The following PCLO variants were observed in gnomAD, a reference collection of about 807,000 sequenced individuals.
PCLO encodes the protein protein piccolo.
Under a neutral mutation model 427.5 loss-of-function variants are expected in PCLO, and 82 were observed. That is an observed-to-expected ratio of 0.19 (90% CI 0.16 to 0.23). PCLO has a LOEUF of 0.23. Ranked by LOEUF, PCLO falls within the 10% of genes least tolerant of loss-of-function variation. The pLI, the probability that PCLO is intolerant of heterozygous loss-of-function variation, is 1.00. For synonymous variants in PCLO, 2,357 were observed against 2,155.4 expected, an observed-to-expected ratio of 1.09 and a Z score of -2.59; for missense variants, 6,239 against 6,115.9, an observed-to-expected ratio of 1.02 and a Z score of -0.67.
chr7:83,134,242 T>TATATATATATATATATATATA lies in PCLO; in HGVS notation c.3300+7_3300+8insTATATATATATATATATATAT, dbSNP rs746054139. The stretch of plus-strand genomic sequence containing the variant: ...TAATATATATATATATATATATATA[T>TATATATATATATATATATATA]AACTTACCTCAGTCAAATGTGGTGT... On this transcript the variant is annotated splice_region_variant and intron_variant, in intron 3 of 24. Coordinates refer to ENST00000333891, the MANE Select transcript of PCLO (RefSeq NM_033026.6). 1.1e-5 allele frequency: 12 copies of TATATATATATATATATATATA among 1,069,108 alleles called. No individual in the cohort carries two copies. Among genetic ancestry groups the TATATATATATATATATATATA allele is most frequent in the East Asian group, 9.4e-5 (3 of 31,944 alleles). 66.2% of individuals were successfully genotyped at this position (1,069,108 alleles called of 1,614,324 possible). A position where few individuals can be genotyped will look rare whatever the true frequency, so the allele number is the denominator to read the frequency against.
At chr7:83,144,854 ATTTC>A (rs1791953754) in intron 2 of PCLO, among the ~76,000 whole-genome samples, 1 of 152,164 alleles carries the variant, frequency 6.6e-6, no homozygotes, top group Admixed American at 6.5e-5. Flanking sequence ...CTGCTACTTG[ATTTC>A]TTTAAGTTAC....
chr7:83,117,584 A>G (rs924993021), intron 3 of PCLO, among the ~76,000 whole-genome samples: 1 of 152,170 alleles, frequency 6.6e-6, no homozygotes, highest in African/African-American at 2.4e-5. Flanking sequence ...TACTGCTGCT[A>G]TCAAAGAGGT....
chr7:83,011,858 G>C (rs1163883424), intron 3 of PCLO, among the ~76,000 whole-genome samples: 1 of 151,936 alleles, frequency 6.6e-6, no homozygotes, highest in African/African-American at 2.4e-5. Flanking sequence ...TCTACCTTAG[G>C]AATTCATTCA....
intron 22 of PCLO, among the ~76,000 whole-genome samples, chr7:82,772,916 G>C (rs1289534113): frequency 6.6e-6 from 1 of 152,074 alleles, no homozygotes; most frequent in Non-Finnish European, 1.5e-5. Flanking sequence ...ATTGTAAATG[G>C]ACATTACATT....
chr7:82,769,670 G>A (rs780687521), intron 22 of PCLO, among the ~76,000 whole-genome samples: 17 of 152,062 alleles, frequency 1.1e-4, no homozygotes, highest in African/African-American at 1.7e-4. Context: ...AAAAGTCTGC[G>A]TAAGAAAAAA....
intron 3 of PCLO, among the ~76,000 whole-genome samples, chr7:83,043,290 A>T (rs142104129): frequency 6.6e-6 from 1 of 152,158 alleles, no homozygotes; most frequent in Admixed American, 6.5e-5. Flanking sequence ...AAAAAAGTGA[A>T]TTTGATTGTC....
chr7:82,918,863 A>T, intron 6 of PCLO, among the ~76,000 whole-genome samples: 1 of 152,070 alleles, frequency 6.6e-6, no homozygotes, highest in East Asian at 1.9e-4. Flanking sequence ...AATATGACCA[A>T]TATTTTATTC....
chr7:83,061,337 A>G (rs1409897950), intron 3 of PCLO, among the ~76,000 whole-genome samples: 1 of 152,176 alleles, frequency 6.6e-6, no homozygotes, highest in Non-Finnish European at 1.5e-5. Flanking sequence ...CAGCTTATGA[A>G]CAGTTTCTTG....
At chr7:83,038,063 A>C (rs1387098482) in intron 3 of PCLO, among the ~76,000 whole-genome samples, 9 of 43,480 alleles carry the variant, frequency 2.1e-4, no homozygotes, top group Middle Eastern at 7.2e-3. Flanking sequence ...TTATATATAT[A>C]TTTATATATT....
chr7:82,956,598 G>A lies in PCLO; in HGVS notation c.4355C>T (p.Thr1452Ile). Reference sequence around the variant, plus strand: ...TTCCAAGGTTTCAGATAAACTCTGAGTTTTCTCTTGGTCTTTAGGCTGTTC... The same window carrying A: ...TTCCAAGGTTTCAGATAAACTCTGAATTTTCTCTTGGTCTTTAGGCTGTTC... ...SPEQPKDQEKTQSLSETLEIT... is the reference protein window; with the variant it reads ...SPEQPKDQEKIQSLSETLEIT... The change falls in exon 5 of 25, where the codon ACT becomes ATT. Residue 1452 changes from threonine (T) to isoleucine (I), a missense_variant. By Grantham distance (89) the Thr-to-Ile change is moderately conservative. Around this residue, in one of 5 missense-constraint regions of PCLO, gnomAD observed 4,677 missense variants for 4,468.4 expected, o/e 1.05. Transcript: ENST00000333891. 1 of 1,613,450 alleles carries A rather than the reference G, an allele frequency of 6.2e-7. No individual in the cohort carries two copies. The highest frequency in any genetic ancestry group is 1.7e-5 in the Admixed American group (1 of 59,904).
At chr7:83,043,912 C>CT (rs869061778) in intron 3 of PCLO, among the ~76,000 whole-genome samples, 11,426 of 93,646 alleles carry the variant, frequency 0.12, 1,445 homozygotes, top group African/African-American at 0.29. Context: ...CTATTATTTT[C>CT]TTTTTTTTTT....
chr7:82,975,893 A>T (rs1583861995), intron 3 of PCLO, among the ~76,000 whole-genome samples: 1 of 152,068 alleles, frequency 6.6e-6, no homozygotes, highest in Non-Finnish European at 1.5e-5. Context: ...AAGGTACTAA[A>T]TTCTCCTTTG....
At chr7:83,096,968 TATATTATATATTATATAAATAA>T (rs1562962347) in intron 3 of PCLO, among the ~76,000 whole-genome samples, 1 of 52,778 alleles carries the variant, frequency 1.9e-5, no homozygotes, top group African/African-American at 9.1e-5. Flanking sequence ...TATAATATAA[TATATTATATATTATATAAATAA>T]TATATATTAT....
chr7:82,758,674 G>A lies in PCLO; in HGVS notation c.15330C>T (p.Thr5110=). 2 of 1,607,322 alleles carry A rather than the reference G, an allele frequency of 1.2e-6. No individual in the cohort carries two copies. The highest frequency in any genetic ancestry group is 2.2e-5 in the South Asian group (2 of 90,526). Residue 5110 remains threonine (T), a synonymous_variant, in exon 25 of 25, where the codon ACC becomes ACT. Transcript: ENST00000333891. ...FSNGGKFMKK[T]LIGEACIWLD... ...GCCAGATACAGGCTTCACCAATCAA[G>A]GTCTTTTTCATAAACTTCCCTCCAT...
Position 82,950,981 on chromosome 7 carries a change from T to C in PCLO, c.9607A>G (p.Ile3203Val). Residue 3203 changes from isoleucine to valine, a missense_variant, in exon 6 of 25, where the codon ATT becomes GTT. This residue lies in a region of PCLO where 4,677 missense variants were observed against 4,468.4 expected (regional missense o/e 1.05). Coordinates refer to ENST00000333891, the MANE Select transcript of PCLO (RefSeq NM_033026.6). ...EVVGDESALL[I>V]VPEEDKQQQQ... ...TGTTGTTTATCTTCTTCAGGGACAA[T>C]TAAAAGAGCACTTTCATCTCCCACC... 1 of 1,613,694 alleles carries C rather than the reference T, an allele frequency of 6.2e-7. No homozygotes were observed.
intron 3 of PCLO, among the ~76,000 whole-genome samples, chr7:83,130,980 G>A (rs970533145): frequency 5.9e-5 from 9 of 152,116 alleles, no homozygotes; most frequent in African/African-American, 2.2e-4. Flanking sequence ...AGAAAAGGGT[G>A]CTATCAACAA....
At chr7:82,970,588 C>T (rs1037329823) in intron 3 of PCLO, among the ~76,000 whole-genome samples, 3 of 151,918 alleles carry the variant, frequency 2.0e-5, no homozygotes, top group African/African-American at 4.8e-5. Context: ...CTCTTTTCTG[C>T]AGCCCTAGAA....
intron 10 of PCLO, among the ~76,000 whole-genome samples, chr7:82,864,636 T>C (rs1434252226): frequency 6.6e-6 from 1 of 152,182 alleles, no homozygotes; most frequent in African/African-American, 2.4e-5. Flanking sequence ...GTTTCTTTTG[T>C]GTTTTCTCTG....
At chr7:82,935,936 G>C (rs979447248) in intron 6 of PCLO, among the ~76,000 whole-genome samples, 8 of 151,608 alleles carry the variant, frequency 5.3e-5, no homozygotes, top group Middle Eastern at 3.2e-3. Flanking sequence ...GAAGAAAGAA[G>C]GTTCTAATGT....
Sources: gnomAD v4.1 joint callset for allele counts (sites outside exome capture counted in the v4.1 genomes callset) on GRCh38, gnomAD v4.1.1 for gene constraint, gnomAD v4.1.1 regional missense constraint, MANE v1.5 for transcripts, NCBI Gene and HGNC (gene_info 2026-07-23, HGNC 2026-07-21) for gene names.